TRIB2: variants seen among roughly 807,000 people sequenced by gnomAD.
The protein encoded by TRIB2 is tribbles pseudokinase 2, also known as tribbles homolog 2.
Under a neutral mutation model 26.8 loss-of-function variants are expected in TRIB2, and 2 were observed. That is an observed-to-expected ratio of 0.07 (90% CI 0.03 to 0.24). TRIB2 has a LOEUF of 0.24. TRIB2 is among the 10% of genes least tolerant of loss of function. TRIB2 has a pLI of 1.00. For synonymous variants in TRIB2, 189 were observed against 187.3 expected (o/e 1.01, Z -0.08); for missense variants, 306 against 449.0 (o/e 0.68, Z 2.88).
intron 2 of TRIB2, among the ~76,000 whole-genome samples, chr2:12,735,555 G>A (rs1661550932): frequency 6.6e-6 from 1 of 152,152 alleles, no homozygotes; most frequent in Non-Finnish European, 1.5e-5. Context: ...TGAGCATTAG[G>A]CTCATTGTCC....
At chr2:12,734,796 G>T (rs1661533749) in intron 2 of TRIB2, among the ~76,000 whole-genome samples, 3 of 152,124 alleles carry the variant, frequency 2.0e-5, no homozygotes, top group Admixed American at 2.0e-4. Flanking sequence ...GAATTACTAG[G>T]TCCACAGATG....
At position 12,735,801 on chromosome 2, in the gene TRIB2, T is replaced by C. The variant is rs984519651; in HGVS notation, c.564-4525T>C. On this transcript the variant is annotated intron_variant, in intron 2 of 2. Transcript: ENST00000155926. ...CTTCTGCAGCATGTGCCGAACCAAA[T>C]GTGACAAGCAGACCTGGGCCCTCCC... Among the ~76,000 whole-genome samples, 12 of 152,208 alleles carry C rather than the reference T, an allele frequency of 7.9e-5. No homozygotes were observed. The East Asian group carries it at 2.3e-3, about 30-fold the overall frequency.
intron 2 of TRIB2, among the ~76,000 whole-genome samples, chr2:12,725,234 C>T (rs1016612071): frequency 5.3e-5 from 8 of 152,190 alleles, no homozygotes; most frequent in Admixed American, 6.5e-5. Flanking sequence ...GAGGAACTCT[C>T]GGGCACCAAC....
At chr2:12,725,445 C>T (rs902048134) in intron 2 of TRIB2, among the ~76,000 whole-genome samples, 1 of 152,224 alleles carries the variant, frequency 6.6e-6, no homozygotes, top group Non-Finnish European at 1.5e-5. Context: ...CCCCAGTGCA[C>T]ACAGCTAGCT....
chr2:12,735,401 G>A (rs982909013), intron 2 of TRIB2, among the ~76,000 whole-genome samples: 6 of 152,050 alleles, frequency 3.9e-5, no homozygotes, highest in African/African-American at 9.7e-5. Flanking sequence ...CACGTACAGC[G>A]CACCTTGATG....
intron 2 of TRIB2, among the ~76,000 whole-genome samples, chr2:12,727,351 A>T (rs1419548894): frequency 1.3e-5 from 2 of 152,196 alleles, no homozygotes; most frequent in Non-Finnish European, 2.9e-5. Context: ...CCCAGGACTC[A>T]GTGGGTTCTT....
Position 12,732,476 on chromosome 2 carries a change from A to G in TRIB2, c.564-7850A>G, listed in dbSNP as rs1341298859. 3.3e-5 allele frequency among the ~76,000 whole-genome samples: 5 copies of G among 152,140 alleles called. No homozygotes were observed. The highest frequency in any genetic ancestry group is 7.3e-5 in the Non-Finnish European group (5 of 68,028). ...CCCTATAGACATCTCTCCCTCCACC[A>G]CGATGCCCTGAGATGCTTCCCCCGT... On this transcript the variant is annotated intron_variant, in intron 2 of 2. Transcript: ENST00000155926. The surrounding 1 kb of genome is among the most constrained non-coding windows in gnomAD (Gnocchi z 4.2).
At chr2:12,724,683 C>CTCTGTGAT in intron 2 of TRIB2, 1 of 1,612,930 alleles carries the variant, frequency 6.2e-7, no homozygotes, top group Non-Finnish European at 8.5e-7. Flanking sequence ...CTTCGATACC[C>CTCTGTGAT]TCTGTGATCT....
In TRIB2 at chr2:12,718,111, G is replaced by A. The variant is rs1666639241; in HGVS notation, c.-197G>A. The A allele has an allele frequency of 4.2e-6, 3 of 717,172 alleles. No individual in the cohort carries two copies. The highest frequency in any genetic ancestry group is 6.6e-6 in the Non-Finnish European group (3 of 454,950). 44.4% of individuals were successfully genotyped at this position (717,172 alleles called of 1,614,324 possible). Reference sequence around the variant, plus strand: ...TGCCGACCGAGGACCCCCGGGAGCCGGGCTCGGAGCAGACGAGGTATCCGG... The same window carrying A: ...TGCCGACCGAGGACCCCCGGGAGCCAGGCTCGGAGCAGACGAGGTATCCGG... On this transcript the variant is annotated 5_prime_UTR_variant, in exon 1 of 3. Coordinates refer to ENST00000155926, the MANE Select transcript of TRIB2 (RefSeq NM_021643.4). The surrounding 1 kb of genome is among the most constrained non-coding windows in gnomAD (Gnocchi z 4.0).
At chr2:12,730,447 G>A (rs1343349088) in intron 2 of TRIB2, among the ~76,000 whole-genome samples, 7 of 152,148 alleles carry the variant, frequency 4.6e-5, no homozygotes, top group South Asian at 2.1e-4. Flanking sequence ...ATTTTCTCAC[G>A]CAGTTAGGCA....
At chr2:12,721,961 G>C (rs1008580063) in intron 1 of TRIB2, among the ~76,000 whole-genome samples, 2 of 152,170 alleles carry the variant, frequency 1.3e-5, no homozygotes, top group Non-Finnish European at 2.9e-5. Flanking sequence ...TCAGCTAAGA[G>C]GGAACAGAGC....
intron 2 of TRIB2, chr2:12,724,734 C>G: frequency 6.2e-7 from 1 of 1,612,862 alleles, no homozygotes; most frequent in Non-Finnish European, 8.5e-7. Context: ...CCCCTACCAG[C>G]CTCATATTTC....
chr2:12,733,150 AT>A (rs1485006585), intron 2 of TRIB2, among the ~76,000 whole-genome samples: 2 of 152,178 alleles, frequency 1.3e-5, no homozygotes, highest in Non-Finnish European at 2.9e-5. Flanking sequence ...CGGGGTTTGA[AT>A]CCCAGCTCTG....
chr2:12,738,562 C>T (rs936155743), intron 2 of TRIB2, among the ~76,000 whole-genome samples: 2 of 152,128 alleles, frequency 1.3e-5, no homozygotes, highest in Middle Eastern at 3.2e-3. Flanking sequence ...CCAAGGACTA[C>T]CTACAACTCT....
At chr2:12,726,099 A>G (rs1322813375) in intron 2 of TRIB2, among the ~76,000 whole-genome samples, 2 of 152,238 alleles carry the variant, frequency 1.3e-5, no homozygotes, top group Non-Finnish European at 2.9e-5. Context: ...CTTGCTTTTC[A>G]GGAACATGAC....
At chr2:12,719,361 C>T (rs1230716766) in intron 1 of TRIB2, among the ~76,000 whole-genome samples, 1 of 152,080 alleles carries the variant, frequency 6.6e-6, no homozygotes, top group African/African-American at 2.4e-5. Flanking sequence ...CTGCGATGGA[C>T]ACTTCGGTTT....
chr2:12,730,819 A>AT (rs1661436552), intron 2 of TRIB2, among the ~76,000 whole-genome samples: 1 of 152,092 alleles, frequency 6.6e-6, no homozygotes. Context: ...ATGGAAACTC[A>AT]TTTTCAATGT....
In TRIB2 at chr2:12,718,209, T is replaced by C. The variant is rs1262907469; in HGVS notation, c.-99T>C. The C allele has an allele frequency of 7.5e-6, 11 of 1,476,108 alleles. No individual in the cohort carries two copies. The highest frequency in any genetic ancestry group is 9.1e-6 in the Non-Finnish European group (10 of 1,103,032). The allele number at this position is 1,476,108 out of a possible 1,614,324, so 91.4% of individuals were successfully genotyped here. ...TCTGTCCCCTCCCCTCTCGCTCCCT[T>C]TTAAAATCAGTGGCACCGAGGCGCC... On this transcript the variant is annotated 5_prime_UTR_variant, in exon 1 of 3. Transcript: ENST00000155926. The surrounding 1 kb of genome is among the most constrained non-coding windows in gnomAD (Gnocchi z 4.0).
intron 2 of TRIB2, among the ~76,000 whole-genome samples, chr2:12,733,931 G>A (rs942205640): frequency 3.3e-5 from 5 of 152,192 alleles, no homozygotes; most frequent in Admixed American, 1.3e-4. Flanking sequence ...CTGTTCCACA[G>A]ATGCTGGGAG....
Sources: allele counts gnomAD v4.1 joint callset (sites outside exome capture counted in the v4.1 genomes callset), GRCh38; gene constraint gnomAD v4.1.1; non-coding constraint Gnocchi (gnomAD v3.1); transcripts MANE v1.5; gene names NCBI Gene and HGNC (gene_info 2026-07-23, HGNC 2026-07-21).